The following OVCH1 variants were observed in gnomAD, a reference collection of about 807,000 sequenced individuals.
OVCH1 encodes ovochymase-1.
A neutral mutation model predicts 138.4 loss-of-function variants in OVCH1; 139 were observed. The observed-to-expected ratio is 1.00, with a 90% CI of 0.87 to 1.16. OVCH1 has a LOEUF of 1.16. Among genes scored for constraint, OVCH1 ranks in the 50% most tolerant of loss-of-function variants. The pLI is 0.00. For missense variants in OVCH1, 1,367 were observed against 1,357.9 expected (o/e 1.01, Z -0.11); for synonymous variants, 453 against 467.8 (o/e 0.97, Z 0.41).
rs192035067 is a variant in OVCH1 at position 29,430,587 on chromosome 12, C to G, written c.3328-2939G>C. Among the ~76,000 whole-genome samples the G allele has an allele frequency of 4.1e-4, 63 of 152,270 alleles. 1 individual carries two copies. The East Asian group carries it at 0.012, about 29-fold the overall frequency. On this transcript the variant is annotated intron_variant, in intron 27 of 27. Transcript: ENST00000318184. ...TGTGTCATGCAGGTTTTCAGGGAAA[C>G]TGGGGGAGAGCTGACAGTCACAGAC...
chr12:29,492,469 C>T (rs987987131), intron 4 of OVCH1, among the ~76,000 whole-genome samples: 5 of 152,106 alleles, frequency 3.3e-5, no homozygotes, highest in East Asian at 3.9e-4. Context: ...ACCTGATTTA[C>T]GTATTAAAAA....
chr12:29,435,994 T>G (rs1044036293), intron 26 of OVCH1, among the ~76,000 whole-genome samples: 1 of 152,194 alleles, frequency 6.6e-6, no homozygotes, highest in African/African-American at 2.4e-5. Flanking sequence ...CATATTGATC[T>G]TTTTAGACCT....
chr12:29,450,670 A>G (rs921106928), intron 22 of OVCH1, among the ~76,000 whole-genome samples: 2 of 152,214 alleles, frequency 1.3e-5, no homozygotes, highest in Admixed American at 6.5e-5. Context: ...TCCTGGGTAT[A>G]TACCCAAAGG....
intron 4 of OVCH1, among the ~76,000 whole-genome samples, chr12:29,495,078 T>C (rs1565617502): frequency 1.3e-5 from 2 of 152,230 alleles, no homozygotes; most frequent in Non-Finnish European, 2.9e-5. Context: ...TGTTGATTGT[T>C]AGGTTAAGCA....
At chr12:29,454,476 C>T (rs1020994078) in intron 21 of OVCH1, among the ~76,000 whole-genome samples, 3 of 152,252 alleles carry the variant, frequency 2.0e-5, no homozygotes, top group Admixed American at 2.0e-4. Context: ...AAGAGAAATA[C>T]TAATGCTGGC....
chr12:29,433,776 T>G, exon 27 of OVCH1: 1 of 1,426,422 alleles, frequency 7.0e-7, no homozygotes, highest in Non-Finnish European at 9.4e-7. Flanking sequence ...TGCAAATTTC[T>G]TCTGTTTTCT....
intron 5 of OVCH1, 27 bp downstream of exon 5, chr12:29,491,070 G>A (rs373622260): frequency 2.6e-6 from 4 of 1,566,356 alleles, no homozygotes; most frequent in Non-Finnish European, 3.5e-6. Flanking sequence ...GCTGGAAGAA[G>A]TATTAAGTCA....
At chr12:29,420,483 CTTTTTTTTTTTTTTTTTTTTTTTTTTTTT>C (rs958610211) in intron 3 of OVCH1, among the ~76,000 whole-genome samples, 2 of 19,006 alleles carry the variant, frequency 1.1e-4, no homozygotes, top group South Asian at 1.4e-3. Context: ...GAAAAAGCAG[CTTTTTTTTTTTTTTTTTTTTTTTTTTTTT>C]TTTTTTTTTT....
chr12:29,465,725 T>C (rs1942292555), intron 16 of OVCH1, among the ~76,000 whole-genome samples: 3 of 152,102 alleles, frequency 2.0e-5, no homozygotes, highest in Non-Finnish European at 2.9e-5. Context: ...TAAAGTATCA[T>C]TGGAAACCTT....
chr12:29,420,896 C>A (rs983530668), intron 3 of OVCH1, among the ~76,000 whole-genome samples: 1 of 152,200 alleles, frequency 6.6e-6, no homozygotes, highest in Non-Finnish European at 1.5e-5. Context: ...CTAATATGTT[C>A]ATTGATTTGC....
chr12:29,447,783 T>G (rs1941660694), intron 22 of OVCH1, among the ~76,000 whole-genome samples: 1 of 151,930 alleles, frequency 6.6e-6, no homozygotes. Flanking sequence ...TAATAGACAA[T>G]GACTGTGGGA....
intron 8 of OVCH1, among the ~76,000 whole-genome samples, chr12:29,480,880 CTG>C (rs1484013208): frequency 6.6e-6 from 1 of 152,206 alleles, no homozygotes; most frequent in East Asian, 1.9e-4. Context: ...AAGTCACTGA[CTG>C]TGCAAATTGG....
rs779858927 is a variant in OVCH1 at position 29,471,986 on chromosome 12, C to CA, written c.1676-5dup. ...AATGGAGGGATGCCACAGACATCTA[C>CA]AGTAAAGATGAAACCAATGACCCAT... On this transcript the variant is annotated splice_region_variant and splice_polypyrimidine_tract_variant and intron_variant, in intron 15 of 27. Transcript: ENST00000318184. 1 of 1,605,086 alleles carries CA rather than the reference C, an allele frequency of 6.2e-7. No homozygotes were observed. Among genetic ancestry groups the CA allele is most frequent in the Non-Finnish European group, 8.5e-7 (1 of 1,176,330 alleles).
At chr12:29,409,549 C>G (rs1940926003), downstream of OVCH1, among the ~76,000 whole-genome samples, 1 of 151,876 alleles carries the variant, frequency 6.6e-6, no homozygotes, top group Non-Finnish European at 1.5e-5. Flanking sequence ...TTATTTCTGC[C>G]TTCATTTCGT....
chr12:29,496,474 T>C, intron 2 of OVCH1, 82 bp downstream of exon 2: 3 of 1,316,326 alleles, frequency 2.3e-6, no homozygotes, highest in Non-Finnish European at 3.2e-6. Context: ...AAACTACATA[T>C]CAACGTGCAT....
At chr12:29,476,236 A>G in exon 13 of OVCH1, 1 of 1,613,606 alleles carries the variant, frequency 6.2e-7, no homozygotes, top group Non-Finnish European at 8.5e-7. Flanking sequence ...GAATCACCGT[A>G]AATCACAACA....
rs192443329 is a variant in OVCH1 at position 29,443,024 on chromosome 12, G to T, written c.3157+337C>A. Among the ~76,000 whole-genome samples, 28 of 152,124 alleles carry T rather than the reference G, an allele frequency of 1.8e-4. No individual in the cohort carries two copies. The East Asian group carries it at 5.0e-3, about 27-fold the overall frequency. On this transcript the variant is annotated intron_variant, in intron 25 of 27. Coordinates refer to ENST00000318184, the Ensembl canonical transcript of OVCH1. ...ATAAACTCATGTAATGCCTTTTGCT[G>T]TGATTATTTTGCCTTATTAATTTTA...
chr12:29,457,466 T>TG (rs1403569868), intron 19 of OVCH1, among the ~76,000 whole-genome samples: 7 of 137,290 alleles, frequency 5.1e-5, no homozygotes, highest in African/African-American at 1.9e-4. Context: ...TGCAGTGGTG[T>TG]GATCTCGGCT....
intron 22 of OVCH1, among the ~76,000 whole-genome samples, chr12:29,446,745 T>G (rs1941626556): frequency 6.6e-6 from 1 of 152,060 alleles, no homozygotes; most frequent in Non-Finnish European, 1.5e-5. Flanking sequence ...AGAAAAAGAC[T>G]TTTTTCTTTT....
Sources: allele counts gnomAD v4.1 joint callset (sites outside exome capture counted in the v4.1 genomes callset), GRCh38; gene constraint gnomAD v4.1.1; transcripts MANE v1.5; gene names NCBI Gene and HGNC (gene_info 2026-07-23, HGNC 2026-07-21).